The following GNAO1 variants were observed in gnomAD, a reference collection of about 807,000 sequenced individuals.
GNAO1 encodes the protein guanine nucleotide-binding protein G(o) subunit alpha.
For synonymous variants in GNAO1, 164 were observed against 180.7 expected, an observed-to-expected ratio of 0.91 and a Z score of 0.74; for missense variants, 166 against 478.7, an observed-to-expected ratio of 0.35 and a Z score of 6.10.
chr16:56,217,324 A>T (rs2036445224), intron 2 of GNAO1, among the ~76,000 whole-genome samples: 1 of 152,230 alleles, frequency 6.6e-6, no homozygotes, highest in South Asian at 2.1e-4. Context: ...TGATTGCTGC[A>T]TAGTCATTTT....
intron 3 of GNAO1, among the ~76,000 whole-genome samples, chr16:56,290,759 G>A (rs1175193581): frequency 1.3e-5 from 2 of 152,176 alleles, no homozygotes; most frequent in Non-Finnish European, 2.9e-5. Context: ...ACAGAGGCAA[G>A]CACCTCCAAA....
intron 2 of GNAO1, among the ~76,000 whole-genome samples, chr16:56,221,651 C>CAAAAAAAAAAAAAAAAAAAAAAAAAA (rs11306838): frequency 2.4e-5 from 2 of 83,860 alleles, no homozygotes; most frequent in Non-Finnish European, 4.8e-5. Flanking sequence ...GACTGCATCT[C>CAAAAAAAAAAAAAAAAAAAAAAAAAA]AAAAAAAAAA....
chr16:56,273,006 G>T (rs1185201701), intron 2 of GNAO1, among the ~76,000 whole-genome samples: 1 of 152,176 alleles, frequency 6.6e-6, no homozygotes, highest in Admixed American at 6.5e-5. Flanking sequence ...GGTACCAGTT[G>T]CCTTTCTTTT....
chr16:56,216,192 A>G (rs1428214456), intron 2 of GNAO1, among the ~76,000 whole-genome samples: 1 of 152,236 alleles, frequency 6.6e-6, no homozygotes, highest in African/African-American at 2.4e-5. Flanking sequence ...AGCTATAAAA[A>G]TCCACTAAAA....
chr16:56,352,002 CCCTGCTTT>C (rs1341101328), intron 7 of GNAO1: 1 of 158,632 alleles, frequency 6.3e-6, no homozygotes, highest in Non-Finnish European at 1.4e-5. Flanking sequence ...TTTCCCTGCT[CCCTGCTTT>C]GGTGCCCGGA....
chr16:56,251,008 G>A (rs898192504), intron 2 of GNAO1, among the ~76,000 whole-genome samples: 22 of 152,132 alleles, frequency 1.4e-4, no homozygotes, highest in Non-Finnish European at 2.5e-4. Context: ...ATATAAGGTG[G>A]CCCCAAGCCA....
chr16:56,320,680 T>G (rs1473863127), intron 3 of GNAO1, among the ~76,000 whole-genome samples: 1 of 152,050 alleles, frequency 6.6e-6, no homozygotes, highest in Non-Finnish European at 1.5e-5. Context: ...TGCGGAATGA[T>G]GAGGTGGGGG....
At chr16:56,203,268 C>T (rs1257217288) in intron 2 of GNAO1, among the ~76,000 whole-genome samples, 1 of 152,044 alleles carries the variant, frequency 6.6e-6, no homozygotes, top group East Asian at 1.9e-4. Context: ...GAAGTAGGTT[C>T]ATGACTCAGG....
In GNAO1 at chr16:56,275,928, T is replaced by C. The variant is rs1446822864; in HGVS notation, c.162-3T>C. On this transcript the variant is annotated splice_polypyrimidine_tract_variant and splice_region_variant and intron_variant, in intron 2 of 8. Transcript: ENST00000262493. Reference sequence around the variant, plus strand: ...AGGTGTGGTGTGTGTGGTTTTTCTCTAGGATCATCCATGAAGATGGCTTCT... The same window carrying C: ...AGGTGTGGTGTGTGTGGTTTTTCTCCAGGATCATCCATGAAGATGGCTTCT... 1 of 1,612,044 alleles carries C rather than the reference T, an allele frequency of 6.2e-7. No individual in the cohort carries two copies. The highest frequency in any genetic ancestry group is 1.1e-5 in the South Asian group (1 of 90,676).
chr16:56,335,463 G>A lies in GNAO1; in HGVS notation c.593+606G>A, dbSNP rs145310678. Among the ~76,000 whole-genome samples the A allele has an allele frequency of 5.4e-3, 825 of 152,296 alleles. 5 individuals are homozygous for A. Among genetic ancestry groups the A allele is most frequent in the Non-Finnish European group, 7.9e-3 (536 of 68,008 alleles). ...TGTGTCCCCACCTGCAGTAACATGCGTGCACTGAGGCCTGCTCCGTCCTGT... is the reference window on the plus strand; with the variant it reads ...TGTGTCCCCACCTGCAGTAACATGCATGCACTGAGGCCTGCTCCGTCCTGT... On this transcript the variant is annotated intron_variant, in intron 5 of 8. Coordinates refer to ENST00000262493, the MANE Select transcript of GNAO1 (RefSeq NM_020988.3).
At chr16:56,237,750 A>G (rs2036652286) in intron 2 of GNAO1, among the ~76,000 whole-genome samples, 1 of 152,194 alleles carries the variant, frequency 6.6e-6, no homozygotes, top group Non-Finnish European at 1.5e-5. Context: ...CAAAGAAATA[A>G]CAAACACTCT....
rs2037976926 is a variant in GNAO1 at position 56,357,066 on chromosome 16, AC to A, written c.*993del. 3 of 151,558 alleles carry A rather than the reference AC, an allele frequency of 2.0e-5. No individual in the cohort carries two copies. Among genetic ancestry groups the A allele is most frequent in the Non-Finnish European group, 1.5e-5 (1 of 67,722 alleles). The allele number at this position is 151,558 out of a possible 1,614,324, so 9.4% of individuals were successfully genotyped here. ...AAATACCACAAGATGGAAAAAAAAA[AC>A]AAAAAAATTTAAAAAGATGGAATGT... On this transcript the variant is annotated 3_prime_UTR_variant, in exon 9 of 9. Coordinates refer to ENST00000262493, the MANE Select transcript of GNAO1 (RefSeq NM_020988.3).
intron 3 of GNAO1, among the ~76,000 whole-genome samples, chr16:56,288,419 T>G (rs1380666525): frequency 6.6e-6 from 1 of 152,182 alleles, no homozygotes; most frequent in Non-Finnish European, 1.5e-5. Flanking sequence ...GTAAAAAGAC[T>G]GCTCCCAAGT....
In GNAO1 at chr16:56,326,672, G is replaced by A. The variant is rs1045912879; in HGVS notation, c.304-1959G>A. Among the ~76,000 whole-genome samples, 6 of 152,182 alleles carry A rather than the reference G, an allele frequency of 3.9e-5. No homozygotes were observed. Among genetic ancestry groups the A allele is most frequent in the African/African-American group, 9.6e-5 (4 of 41,462 alleles). On this transcript the variant is annotated intron_variant, in intron 3 of 8. Coordinates refer to ENST00000262493, the MANE Select transcript of GNAO1 (RefSeq NM_020988.3). The surrounding 1 kb of genome is among the most constrained non-coding windows in gnomAD (Gnocchi z 4.8). Reference sequence around the variant, plus strand: ...GCCTCCCTGGGAGGGCAAGGAAGCCGGGTTATTTGCCCATTCCTGTCTGTC... The same window carrying A: ...GCCTCCCTGGGAGGGCAAGGAAGCCAGGTTATTTGCCCATTCCTGTCTGTC...
chr16:56,222,010 TAGGAAA>T (rs2036494040), intron 2 of GNAO1, among the ~76,000 whole-genome samples: 1 of 152,122 alleles, frequency 6.6e-6, no homozygotes, highest in African/African-American at 2.4e-5. Context: ...GAGGGAAACT[TAGGAAA>T]AGAGCTGGAA....
intron 2 of GNAO1, chr16:56,194,379 G>T: frequency 2.4e-6 from 1 of 417,714 alleles, no homozygotes; most frequent in Non-Finnish European, 4.8e-6. Context: ...CTCCCGAGGG[G>T]GGACGTTTTA....
chr16:56,330,706 G>T (rs1331578045), intron 4 of GNAO1, among the ~76,000 whole-genome samples: 1 of 152,110 alleles, frequency 6.6e-6, no homozygotes, highest in African/African-American at 2.4e-5. Flanking sequence ...CTTCACCTCC[G>T]GCTTTTTGCT....
intron 3 of GNAO1, among the ~76,000 whole-genome samples, chr16:56,285,133 G>T (rs2037153144): frequency 6.6e-6 from 1 of 152,220 alleles, no homozygotes; most frequent in Non-Finnish European, 1.5e-5. Flanking sequence ...GTAGAAAAGG[G>T]CATGGAATTT....
chr16:56,220,824 T>C lies in GNAO1; in HGVS notation c.161+28208T>C, dbSNP rs2036477975. Among the ~76,000 whole-genome samples, 3 of 152,142 alleles carry C rather than the reference T, an allele frequency of 2.0e-5. No individual in the cohort carries two copies. The South Asian group carries it at 6.2e-4, about 32-fold the overall frequency. On this transcript the variant is annotated intron_variant, in intron 2 of 8. Coordinates refer to ENST00000262493, the MANE Select transcript of GNAO1 (RefSeq NM_020988.3). ...GTGCAGTGGCACAATCTTGGCTCACTGCAACCTCTGCTGCCCGGGTTCAAG... is the reference window on the plus strand; with the variant it reads ...GTGCAGTGGCACAATCTTGGCTCACCGCAACCTCTGCTGCCCGGGTTCAAG...
Sources: gnomAD v4.1 joint callset for allele counts (sites outside exome capture counted in the v4.1 genomes callset) on GRCh38, gnomAD v4.1.1 for gene constraint, Gnocchi (gnomAD v3.1) non-coding constraint, MANE v1.5 for transcripts, NCBI Gene and HGNC (gene_info 2026-07-23, HGNC 2026-07-21) for gene names.